NEIL2: variants seen among roughly 807,000 people sequenced by gnomAD.
The protein encoded by NEIL2 is endonuclease 8-like 2.
In NEIL2, 23 loss-of-function variants were observed where a neutral mutation model predicts 22.2. The observed-to-expected ratio is 1.04, with a 90% CI of 0.75 to 1.47. The LOEUF is 1.47. Among genes scored for constraint, NEIL2 ranks in the 40% most tolerant of loss-of-function variants. The pLI is 0.00. For synonymous variants in NEIL2, 229 were observed against 164.8 expected (o/e 1.39, Z -2.99); for missense variants, 583 against 404.7 (o/e 1.44, Z -3.78).
chr8:11,773,274 C>T (rs1356118840), intron 2 of NEIL2, among the ~76,000 whole-genome samples: 6 of 152,112 alleles, frequency 3.9e-5, no homozygotes, highest in Non-Finnish European at 8.8e-5. Flanking sequence ...AACCCGTAGA[C>T]GGGACTGGGA....
chr8:11,772,929 A>G (rs1344385201), intron 2 of NEIL2, among the ~76,000 whole-genome samples: 2 of 151,574 alleles, frequency 1.3e-5, no homozygotes, highest in Non-Finnish European at 2.9e-5. Flanking sequence ...CCACCCCCGC[A>G]ACACACACAC....
rs887973423 is a variant in NEIL2 at position 11,770,051 on chromosome 8, C to T, written c.-287C>T. ...GAGAACGGCGGAGACAACCCCTCCT[C>T]TTCCCTGGCTGGCGCAGCGCCAGCC... On this transcript the variant is annotated 5_prime_UTR_variant, in exon 1 of 5. Transcript: ENST00000284503. 2.0e-5 allele frequency: 3 copies of T among 152,178 alleles called. No homozygotes were observed. The highest frequency in any genetic ancestry group is 4.8e-5 in the African/African-American group (2 of 41,440). The allele number at this position is 152,178 out of a possible 1,614,324, so 9.4% of individuals were successfully genotyped here.
intron 2 of NEIL2, among the ~76,000 whole-genome samples, chr8:11,778,674 A>G (rs8191600): frequency 0.12 from 17,828 of 152,138 alleles, 1,174 homozygotes; most frequent in East Asian, 0.26. Context: ...GCAAGGGCCC[A>G]GGCATGGTGG....
chr8:11,781,570 C>G (rs999849164), intron 3 of NEIL2, among the ~76,000 whole-genome samples: 1 of 152,314 alleles, frequency 6.6e-6, no homozygotes, highest in East Asian at 1.9e-4. Context: ...ATGTGCTCCC[C>G]GAAGGAGGCT....
chr8:11,778,299 T>G (rs1319760842), intron 2 of NEIL2, among the ~76,000 whole-genome samples: 1 of 151,980 alleles, frequency 6.6e-6, no homozygotes, highest in Non-Finnish European at 1.5e-5. Flanking sequence ...AGTTTTTTTT[T>G]TTTTTTTTTT....
chr8:11,780,371 G>C (rs1477941529), intron 3 of NEIL2, among the ~76,000 whole-genome samples: 1 of 152,088 alleles, frequency 6.6e-6, no homozygotes, highest in Non-Finnish European at 1.5e-5. Context: ...TAAGTATTCA[G>C]CTTGATGAGT....
In NEIL2 at chr8:11,771,646, C is replaced by A. The variant is rs1035874100; in HGVS notation, c.138+61C>A. On this transcript the variant is annotated intron_variant, in intron 2 of 4. Transcript: ENST00000284503. ...GCCCATCCTGCGCCTCCCCTAGGAT[C>A]TATCCCCATATGTCTCAGGGTGTCA... The A allele has an allele frequency of 4.5e-6, 7 of 1,548,220 alleles. No individual in the cohort carries two copies. In the Admixed American group the frequency reaches 1.3e-4, roughly 28 times the overall value.
At chr8:11,782,932 T>C (rs1321926410) in intron 3 of NEIL2, 1 of 524,644 alleles carries the variant, frequency 1.9e-6, no homozygotes, top group African/African-American at 1.9e-5. Context: ...TATGTGTGTA[T>C]GATCCAGCCA....
chr8:11,772,136 G>A (rs1803507236), intron 2 of NEIL2, among the ~76,000 whole-genome samples: 1 of 152,150 alleles, frequency 6.6e-6, no homozygotes, highest in Non-Finnish European at 1.5e-5. Flanking sequence ...CCGGGAGGCC[G>A]AGATTGCAGT....
chr8:11,770,957 G>C (rs1257228908), intron 1 of NEIL2, among the ~76,000 whole-genome samples: 1 of 152,202 alleles, frequency 6.6e-6, no homozygotes, highest in Non-Finnish European at 1.5e-5. Flanking sequence ...CCCCACGCTA[G>C]TGGTCGGCGG....
At chr8:11,772,642 G>C (rs1803562965) in intron 2 of NEIL2, among the ~76,000 whole-genome samples, 1 of 152,164 alleles carries the variant, frequency 6.6e-6, no homozygotes, top group African/African-American at 2.4e-5. Context: ...CAGATGCAGA[G>C]GGCAGGGGCT....
At chr8:11,781,090 C>T (rs1442377094) in intron 3 of NEIL2, among the ~76,000 whole-genome samples, 1 of 152,180 alleles carries the variant, frequency 6.6e-6, no homozygotes, top group African/African-American at 2.4e-5. Context: ...AAAAAGGCCC[C>T]TTCTGCCCCC....
intron 1 of NEIL2, among the ~76,000 whole-genome samples, chr8:11,770,539 G>A (rs949508954): frequency 1.3e-5 from 2 of 152,190 alleles, no homozygotes; most frequent in Non-Finnish European, 2.9e-5. Context: ...GATTTTAAAA[G>A]TATTCTAAAA....
At chr8:11,777,239 C>T (rs1803985199) in intron 2 of NEIL2, among the ~76,000 whole-genome samples, 2 of 151,896 alleles carry the variant, frequency 1.3e-5, no homozygotes, top group South Asian at 2.1e-4. Context: ...GCAATCCTCT[C>T]GTCTCAGCCT....
At position 11,786,441 on chromosome 8, in the gene NEIL2, T is replaced by C. The variant is rs1804963213; in HGVS notation, c.*168T>C. ...AGTTATGTTGAAGGCAGAGTTTTCA[T>C]AGGGTTAGATTTTTTTTATCCTTTT... On this transcript the variant is annotated 3_prime_UTR_variant, in exon 5 of 5. Transcript: ENST00000284503. The C allele has an allele frequency of 1.5e-6, 1 of 678,376 alleles. No individual in the cohort carries two copies. Among genetic ancestry groups the C allele is most frequent in the Non-Finnish European group, 2.6e-6 (1 of 385,374 alleles). 42.0% of individuals were successfully genotyped at this position (678,376 alleles called of 1,614,324 possible).
chr8:11,784,662 A>G (rs1385255595), intron 4 of NEIL2, among the ~76,000 whole-genome samples: 1 of 152,204 alleles, frequency 6.6e-6, no homozygotes, highest in African/African-American at 2.4e-5. Context: ...CCCAGCAAGC[A>G]TGGACTCAGT....
intron 2 of NEIL2, 44 bp from the exon 3 acceptor site, chr8:11,779,554 C>G (rs750669967): frequency 7.0e-7 from 1 of 1,435,852 alleles, no homozygotes; most frequent in African/African-American, 1.4e-5. Flanking sequence ...CCCAGTTCCC[C>G]TCTCTGGGTC....
intron 4 of NEIL2, 106 bp from the exon 5 acceptor site, chr8:11,785,857 C>T (rs974826689): frequency 9.9e-7 from 1 of 1,012,744 alleles, no homozygotes; most frequent in Non-Finnish European, 1.6e-6. Flanking sequence ...CGTCTAGGGT[C>T]CCCCAGGACA....
intron 2 of NEIL2, among the ~76,000 whole-genome samples, chr8:11,772,171 C>G (rs1475714983): frequency 1.3e-5 from 2 of 152,010 alleles, no homozygotes; most frequent in East Asian, 1.9e-4. Flanking sequence ...CTACTGCACT[C>G]CAGCCTGGGT....
Sources: gnomAD v4.1 joint callset for allele counts (sites outside exome capture counted in the v4.1 genomes callset) on GRCh38, gnomAD v4.1.1 for gene constraint, MANE v1.5 for transcripts, NCBI Gene and HGNC (gene_info 2026-07-23, HGNC 2026-07-21) for gene names.